The following SPAST variants were observed in gnomAD, a reference collection of about 807,000 sequenced individuals.
SPAST encodes spastin.
In SPAST, 30 loss-of-function variants were observed where a neutral mutation model predicts 76.6. The ratio of observed to expected loss-of-function variants is 0.39; its 90% CI spans 0.29 to 0.53. The LOEUF is 0.53. SPAST is among the 20% of genes least tolerant of loss of function. The pLI, the probability that SPAST is intolerant of heterozygous loss-of-function variation, is 0.68. For synonymous variants in SPAST, 305 were observed against 281.0 expected (o/e 1.09, Z -0.86); for missense variants, 717 against 770.5 (o/e 0.93, Z 0.82).
intron 1 of SPAST, among the ~76,000 whole-genome samples, chr2:32,078,232 C>A (rs1054166385): frequency 6.6e-5 from 10 of 152,026 alleles, no homozygotes; most frequent in African/African-American, 2.4e-4. Flanking sequence ...CCTCGTGATC[C>A]CCATTTCTTT....
At chr2:32,144,605 G>C (rs1331781688) in intron 14 of SPAST, among the ~76,000 whole-genome samples, 1 of 152,192 alleles carries the variant, frequency 6.6e-6, no homozygotes, top group Non-Finnish European at 1.5e-5. Context: ...TGCTGTTTCA[G>C]CTGGGTGCGG....
At chr2:32,105,884 T>G (rs1159983844) in intron 4 of SPAST, among the ~76,000 whole-genome samples, 3 of 152,206 alleles carry the variant, frequency 2.0e-5, no homozygotes, top group African/African-American at 7.2e-5. Context: ...GGGAGGTGTC[T>G]CCCAGTTAGG....
intron 4 of SPAST, 150 bp downstream of exon 4, chr2:32,099,041 A>G: frequency 1.5e-6 from 1 of 685,928 alleles, no homozygotes; most frequent in South Asian, 1.6e-5. Flanking sequence ...TACCTTTATC[A>G]TCATAGTATA....
rs1418227184 is a variant in SPAST at position 32,114,665 on chromosome 2, A to T, written c.710A>T (p.Asp237Val). 3 of 1,614,160 alleles carry T rather than the reference A, an allele frequency of 1.9e-6. No homozygotes were observed. Among genetic ancestry groups the T allele is most frequent in the Non-Finnish European group, 1.7e-6 (2 of 1,180,004 alleles). The change falls in exon 5 of 17, where the codon GAC becomes GTC. Residue 237 changes from aspartate (D) to valine (V), a missense_variant. By Grantham distance (152) the Asp-to-Val change is radical. Around this residue, in one of 3 missense-constraint regions of SPAST, gnomAD observed 543 missense variants for 445.2 expected, o/e 1.22. Coordinates refer to ENST00000315285, the MANE Select transcript of SPAST (RefSeq NM_014946.4). The stretch of plus-strand genomic sequence containing the variant: ...AGTGGAGCTGTTCCAAAAAGAAAAG[A>T]CCCCTTAACACACACTAGTAATTCA... ...SESGAVPKRK[D>V]PLTHTSNSLP...
rs11363493 is a variant in SPAST, at chr2:32,150,239, ATTTTTTTTTTT to A, written c.1728+2995_1728+3005del. ...AGGTGCACGCCACCACGCCCAGCTA[ATTTTTTTTTTT>A]TTTTTTTTTTTTTGTATTTGTAGTA... On this transcript the variant is annotated intron_variant, in intron 16 of 16. Transcript: ENST00000315285. Among the ~76,000 whole-genome samples the A allele has an allele frequency of 5.8e-3, 385 of 66,618 alleles. 4 individuals are homozygous for A. Among genetic ancestry groups the A allele is most frequent in the African/African-American group, 0.021 (350 of 16,408 alleles). 43.7% of individuals were successfully genotyped at this position (66,618 alleles called of 152,430 possible).
At chr2:32,086,723 A>G (rs1573067575) in intron 1 of SPAST, among the ~76,000 whole-genome samples, 1 of 151,918 alleles carries the variant, frequency 6.6e-6, no homozygotes, top group Admixed American at 6.6e-5. Context: ...GCACCACTGC[A>G]CTCCAGCCTA....
intron 12 of SPAST, among the ~76,000 whole-genome samples, chr2:32,139,600 G>C (rs1215639765): frequency 6.6e-6 from 1 of 152,120 alleles, no homozygotes; most frequent in Non-Finnish European, 1.5e-5. Flanking sequence ...GGCTGAGGCA[G>C]GTGGATCACC....
At position 32,128,353 on chromosome 2, in the gene SPAST, C is replaced by G. The variant is rs1013229809; in HGVS notation, c.1174-55C>G. ...TACTTAAATCGGTAAATATGGTTAT[C>G]TTTTAAATGTAATATATTGAACTAA... On this transcript the variant is annotated intron_variant, in intron 8 of 16. Coordinates refer to ENST00000315285, the MANE Select transcript of SPAST (RefSeq NM_014946.4). 1.3e-5 allele frequency: 16 copies of G among 1,234,862 alleles called. No homozygotes were observed. The African/African-American group carries it at 2.1e-4, about 16-fold the overall frequency. 76.5% of individuals were successfully genotyped at this position (1,234,862 alleles called of 1,614,324 possible).
Position 32,089,581 on chromosome 2 carries a change from G to A in SPAST, c.562G>A (p.Ala188Thr). The change falls in exon 3 of 17, where the codon GCC becomes ACC. Residue 188 changes from alanine to threonine, a missense_variant. This residue lies in a region of SPAST where 543 missense variants were observed against 445.2 expected (regional missense o/e 1.22). Transcript: ENST00000315285. ...TAAAATGATGACTAATTTGGTTATG[G>A]CCAAGGACCGCTTACAACTTCTAGG... Reference protein sequence around the residue: ...QAKMMTNLVMAKDRLQLLEKM... With the variant: ...QAKMMTNLVMTKDRLQLLEKM... 6.3e-7 allele frequency: 1 copy of A among 1,591,732 alleles called. No individual in the cohort carries two copies. The highest frequency in any genetic ancestry group is 8.6e-7 in the Non-Finnish European group (1 of 1,159,898).
chr2:32,071,087 A>G (rs1336325668), intron 1 of SPAST, among the ~76,000 whole-genome samples: 1 of 152,130 alleles, frequency 6.6e-6, no homozygotes, highest in African/African-American at 2.4e-5. Flanking sequence ...GGTTCTTTGG[A>G]TTTACTAGAA....
chr2:32,072,741 G>C (rs561548837), intron 1 of SPAST, among the ~76,000 whole-genome samples: 1 of 152,214 alleles, frequency 6.6e-6, no homozygotes, highest in African/African-American at 2.4e-5. Context: ...TCTGTTTTCA[G>C]AAGATGAGGA....
intron 1 of SPAST, among the ~76,000 whole-genome samples, chr2:32,077,191 A>G (rs530041650): frequency 3.9e-5 from 6 of 152,154 alleles, no homozygotes; most frequent in African/African-American, 9.6e-5. Flanking sequence ...AGATTTTTAG[A>G]TATCTATTAC....
intron 3 of SPAST, 115 bp from the exon 4 acceptor site, chr2:32,098,681 G>A (rs966887818): frequency 4.2e-5 from 28 of 671,634 alleles, no homozygotes; most frequent in South Asian, 4.1e-4. Context: ...TTTTTATCAT[G>A]TAACAATCTG....
intron 3 of SPAST, among the ~76,000 whole-genome samples, chr2:32,090,626 C>G (rs1677671684): frequency 6.6e-6 from 1 of 152,238 alleles, no homozygotes; most frequent in Non-Finnish European, 1.5e-5. Context: ...TTGTTTGTAT[C>G]AGGATCTTAA....
chr2:32,153,800 G>A (rs367799390), intron 16 of SPAST, among the ~76,000 whole-genome samples: 91 of 152,090 alleles, frequency 6.0e-4, no homozygotes, highest in African/African-American at 2.1e-3. Flanking sequence ...CTTTAGGCTG[G>A]GCAAAGTGGC....
intron 8 of SPAST, 65 bp downstream of exon 8, chr2:32,127,087 CTT>C: frequency 1.9e-6 from 2 of 1,064,516 alleles, no homozygotes; most frequent in Non-Finnish European, 2.9e-6. Flanking sequence ...AAAAAAGAAA[CTT>C]TATCTTGTCC....
chr2:32,148,835 A>G (rs1380384474), intron 16 of SPAST, among the ~76,000 whole-genome samples: 1 of 145,640 alleles, frequency 6.9e-6, no homozygotes, highest in Non-Finnish European at 1.5e-5. Context: ...ATAGCTGGGC[A>G]TGGTGGCACG....
chr2:32,104,134 T>C (rs1678228625), intron 4 of SPAST, among the ~76,000 whole-genome samples: 2 of 152,214 alleles, frequency 1.3e-5, no homozygotes, highest in African/African-American at 4.8e-5. Context: ...ATCTGGGTGC[T>C]CCTGTATTGG....
At chr2:32,106,418 G>A (rs770406258) in intron 4 of SPAST, among the ~76,000 whole-genome samples, 1 of 152,130 alleles carries the variant, frequency 6.6e-6, no homozygotes, top group Non-Finnish European at 1.5e-5. Context: ...CCCAGGTGAG[G>A]CAATACCCCG....
Sources: allele counts gnomAD v4.1 joint callset (sites outside exome capture counted in the v4.1 genomes callset), GRCh38; gene constraint gnomAD v4.1.1; regional missense constraint gnomAD v4.1.1; transcripts MANE v1.5; gene names NCBI Gene and HGNC (gene_info 2026-07-23, HGNC 2026-07-21).